The following CLCN1 variants were observed in gnomAD, a reference collection of about 807,000 sequenced individuals.
The protein encoded by CLCN1 is chloride channel protein 1.
Under a neutral mutation model 114.5 loss-of-function variants are expected in CLCN1, and 100 were observed. That is an observed-to-expected ratio of 0.87 (90% CI 0.74 to 1.03). The LOEUF (loss-of-function observed/expected upper bound fraction) is 1.03. Among genes scored for constraint, CLCN1 ranks in the 50% least tolerant of loss-of-function variants. The pLI is 0.00. For synonymous variants in CLCN1, 485 were observed against 487.1 expected (o/e 1.00, Z 0.06); for missense variants, 1,188 against 1,250.0 (o/e 0.95, Z 0.75).
In CLCN1 at chr7:143,321,555, C is replaced by A; in HGVS notation, c.562+62C>A. On this transcript the variant is annotated intron_variant, in intron 4 of 22. Coordinates refer to ENST00000343257, the MANE Select transcript of CLCN1 (RefSeq NM_000083.3). The surrounding 1 kb of genome is among the most constrained non-coding windows in gnomAD (Gnocchi z 4.2). The stretch of plus-strand genomic sequence containing the variant: ...GGCCTGAGAGGGGCCCTGTCTGTCT[C>A]CCCCATCATCCAGCCCCACCCACAG... 1 of 1,611,778 alleles carries A rather than the reference C, an allele frequency of 6.2e-7. No homozygotes were observed. The highest frequency in any genetic ancestry group is 2.2e-5 in the East Asian group (1 of 44,850).
chr7:143,329,610 G>A (rs1802669043), intron 7 of CLCN1, among the ~76,000 whole-genome samples: 1 of 152,168 alleles, frequency 6.6e-6, no homozygotes, highest in Admixed American at 6.5e-5. Flanking sequence ...ATAGCACAGG[G>A]AGAAGAAAAT....
chr7:143,350,170 T>A lies in CLCN1; in HGVS notation c.2404-202T>A, dbSNP rs537114739. The stretch of plus-strand genomic sequence containing the variant: ...GGTACCTGGGGGTTGCAGGGTAGGT[T>A]GGGGGCCTGATGAGGAAGGGCAGAG... On this transcript the variant is annotated intron_variant, in intron 20 of 22. Coordinates refer to ENST00000343257, the MANE Select transcript of CLCN1 (RefSeq NM_000083.3). The surrounding 1 kb of genome is among the most constrained non-coding windows in gnomAD (Gnocchi z 5.1). Among the ~76,000 whole-genome samples the A allele has an allele frequency of 3.3e-5, 5 of 149,822 alleles. No individual in the cohort carries two copies. The highest frequency in any genetic ancestry group is 3.4e-3 in the Middle Eastern group (1 of 290).
At chr7:143,346,680 G>C in intron 19 of CLCN1, 22 bp downstream of exon 19, 4 of 1,592,914 alleles carry the variant, frequency 2.5e-6, no homozygotes, top group Non-Finnish European at 3.4e-6. Context: ...TGTGTTTGGG[G>C]ATACAGGGGA....
intron 5 of CLCN1, among the ~76,000 whole-genome samples, chr7:143,322,810 C>T (rs899295706): frequency 2.6e-5 from 4 of 152,236 alleles, no homozygotes; most frequent in South Asian, 2.1e-4. Context: ...CGTGCGCCAC[C>T]GCGCCCGGCC....
chr7:143,332,517 G>A lies in CLCN1; in HGVS notation c.1251+14G>A, dbSNP rs1027351084. ...ATGGCTGGAGAGGTCAGCTGTTGGT[G>A]GGGCCACATGGTAAAGAGGAAACAG... On this transcript the variant is annotated intron_variant, in intron 11 of 22. Transcript: ENST00000343257. 1.2e-6 allele frequency: 2 copies of A among 1,602,330 alleles called. No homozygotes were observed. The highest frequency in any genetic ancestry group is 1.7e-6 in the Non-Finnish European group (2 of 1,169,354).
chr7:143,341,003 T>C (rs1180138270), intron 14 of CLCN1, among the ~76,000 whole-genome samples: 1 of 152,128 alleles, frequency 6.6e-6, no homozygotes, highest in African/African-American at 2.4e-5. Flanking sequence ...GCTTATAGAA[T>C]TATAAAGTTT....
chr7:143,322,747 C>G (rs909646489), intron 5 of CLCN1, among the ~76,000 whole-genome samples: 2 of 152,236 alleles, frequency 1.3e-5, no homozygotes, highest in Non-Finnish European at 2.9e-5. Flanking sequence ...GTCTCAAACT[C>G]CTGACCTCGG....
chr7:143,345,607 G>C lies in CLCN1; in HGVS notation c.2017G>C (p.Ala673Pro), dbSNP rs200385034. The change falls in exon 17 of 23, where the codon GCA (alanine) becomes CCA (proline). Residue 673 changes from alanine (A) to proline (P), a missense_variant. Physicochemically the swap from Ala to Pro is conservative, Grantham distance 27. Transcript: ENST00000343257. ...CCTGTGTCCTGAGCGCAGGCTGCGC[G>C]CAGCCCAAGAGATGGCGCGGAAGTT... The part of the protein sequence containing the change: ...RHLCPERRLR[A>P]AQEMARKLSE... 12 of 1,555,530 alleles carry C rather than the reference G, an allele frequency of 7.7e-6. No homozygotes were observed. In the East Asian group the frequency reaches 2.9e-4, roughly 38 times the overall value.
intron 1 of CLCN1, 60 bp from the exon 2 acceptor site, chr7:143,319,695 C>T: frequency 6.3e-7 from 1 of 1,576,808 alleles, no homozygotes; most frequent in Non-Finnish European, 8.7e-7. Flanking sequence ...CTGCTGGCCT[C>T]TGTCTATTAT....
rs183484076 is a variant in CLCN1, at chr7:143,337,760, T to C, written c.1402-1493T>C. Among the ~76,000 whole-genome samples the C allele has an allele frequency of 1.3e-4, 20 of 150,022 alleles. 1 individual carries two copies. In the East Asian group the frequency reaches 4.0e-3, roughly 30 times the overall value. On this transcript the variant is annotated intron_variant, in intron 12 of 22. Coordinates refer to ENST00000343257, the MANE Select transcript of CLCN1 (RefSeq NM_000083.3). Reference sequence around the variant, plus strand: ...CATACTTCTATTTCTTTTACAGATATTTAAAAAGTTCCACAACTAGCCTTT... The same window carrying C: ...CATACTTCTATTTCTTTTACAGATACTTAAAAAGTTCCACAACTAGCCTTT...
At chr7:143,338,424 A>G (rs1006093720) in intron 12 of CLCN1, among the ~76,000 whole-genome samples, 23 of 152,112 alleles carry the variant, frequency 1.5e-4, no homozygotes, top group Non-Finnish European at 1.6e-4. Flanking sequence ...AGATGGTTCT[A>G]TGACCCCATT....
chr7:143,341,387 T>C (rs1001414300), intron 14 of CLCN1, among the ~76,000 whole-genome samples: 23 of 151,954 alleles, frequency 1.5e-4, no homozygotes, highest in Non-Finnish European at 2.4e-4. Context: ...GACAAAACCC[T>C]GTTTCTACTA....
chr7:143,319,574 T>G (rs1458641204), intron 1 of CLCN1, among the ~76,000 whole-genome samples, 181 bp from the exon 2 acceptor site: 3 of 151,956 alleles, frequency 2.0e-5, no homozygotes, highest in Non-Finnish European at 4.4e-5. Context: ...GGGTGGGAAG[T>G]GTGGGAATGG....
rs910843342 is a variant in CLCN1 at position 143,323,165 on chromosome 7, C to T, written c.697-144C>T. The T allele has an allele frequency of 6.1e-6, 4 of 659,166 alleles. No homozygotes were observed. The African/African-American group carries it at 7.1e-5, about 12-fold the overall frequency. 40.8% of individuals were successfully genotyped at this position (659,166 alleles called of 1,614,324 possible). The stretch of plus-strand genomic sequence containing the variant: ...CTCTTCTTCCTCTCTGGGATGAGGC[C>T]TCGTGAGGGCAGGACCTCTGTGTAA... On this transcript the variant is annotated intron_variant, in intron 5 of 22. Transcript: ENST00000343257.
chr7:143,333,407 C>T (rs533383756), intron 12 of CLCN1, among the ~76,000 whole-genome samples: 7 of 152,200 alleles, frequency 4.6e-5, no homozygotes, highest in African/African-American at 1.4e-4. Flanking sequence ...GCATAGTTAT[C>T]TAACCCTTCT....
rs537080147 is a variant in CLCN1, at chr7:143,332,986, T to A, written c.1401+113T>A. On this transcript the variant is annotated intron_variant, in intron 12 of 22. Transcript: ENST00000343257. ...AACTTCATTTGGTCTTCATCCAACC[T>A]AAAAATAAGTCATTTGAAAACCATA... is the stretch of plus-strand genomic sequence containing the variant. 1.8e-5 allele frequency: 22 copies of A among 1,194,486 alleles called. No homozygotes were observed. In the South Asian group the frequency reaches 2.1e-4, roughly 11 times the overall value. 74.0% of individuals were successfully genotyped at this position (1,194,486 alleles called of 1,614,324 possible). A position where few individuals can be genotyped will look rare whatever the true frequency, so the allele number is the denominator to read the frequency against.
At chr7:143,325,351 A>C (rs1802548828) in intron 7 of CLCN1, among the ~76,000 whole-genome samples, 1 of 152,258 alleles carries the variant, frequency 6.6e-6, no homozygotes, top group Non-Finnish European at 1.5e-5. Context: ...TTTTCATAGA[A>C]TCTTCCAGGG....
rs752827170 is a variant in CLCN1, at chr7:143,339,618, A to G, written c.1579A>G (p.Ile527Val). 2.5e-6 allele frequency: 4 copies of G among 1,583,494 alleles called. No individual in the cohort carries two copies. The Admixed American group carries it at 6.7e-5, about 26-fold the overall frequency. Reference protein sequence around the residue: ...YKILPGGYAVIGAAALTGAVS... With the variant: ...YKILPGGYAVVGAAALTGAVS... ...GATCCTACCTGGGGGCTATGCAGTAATTGGTGAGAAACATTCCCACTTCCC... is the reference window on the plus strand; with the variant it reads ...GATCCTACCTGGGGGCTATGCAGTAGTTGGTGAGAAACATTCCCACTTCCC... Residue 527 changes from isoleucine to valine, a missense_variant, in exon 14 of 23, where the codon ATT becomes GTT. Ile to Val is a conservative substitution (Grantham distance 29, BLOSUM62 3). Transcript: ENST00000343257. The surrounding 1 kb of genome is among the most constrained non-coding windows in gnomAD (Gnocchi z 4.1).
At chr7:143,323,243 T>A (rs1802487671) in intron 5 of CLCN1, 66 bp from the exon 6 acceptor site, 1 of 857,198 alleles carries the variant, frequency 1.2e-6, no homozygotes, top group Admixed American at 1.7e-5. Context: ...ATATTATTAG[T>A]CCAGTGAGTG....
Sources: allele counts gnomAD v4.1 joint callset (sites outside exome capture counted in the v4.1 genomes callset), GRCh38; gene constraint gnomAD v4.1.1; non-coding constraint Gnocchi (gnomAD v3.1); transcripts MANE v1.5; gene names NCBI Gene and HGNC (gene_info 2026-07-23, HGNC 2026-07-21).